ADGRB3: variants seen among roughly 807,000 people sequenced by gnomAD.
ADGRB3 encodes brain-specific angiogenesis inhibitor 3.
In ADGRB3, 37 loss-of-function variants were observed where a neutral mutation model predicts 193.4. That is an observed-to-expected ratio of 0.19 (90% CI 0.15 to 0.25). The LOEUF is 0.25. ADGRB3 is among the 10% of genes least tolerant of loss of function. The probability of loss-of-function intolerance (pLI) is 1.00; values close to 1 mark genes in which losing one functional copy is unlikely to be tolerated. For synonymous variants in ADGRB3, 690 were observed against 644.2 expected (o/e 1.07, Z -1.08); for missense variants, 1,637 against 1,852.9 (o/e 0.88, Z 2.14).
intron 3 of ADGRB3, among the ~76,000 whole-genome samples, chr6:68,847,175 C>T (rs769156913): frequency 9.2e-5 from 14 of 152,052 alleles, no homozygotes; most frequent in Non-Finnish European, 1.9e-4. Flanking sequence ...TACCCAATAC[C>T]CATACCCCTA....
At chr6:68,835,153 T>A (rs183760645) in intron 3 of ADGRB3, among the ~76,000 whole-genome samples, 32 of 152,244 alleles carry the variant, frequency 2.1e-4, no homozygotes, top group African/African-American at 7.5e-4. Flanking sequence ...TCAAGATATG[T>A]TTGGGTGTTA....
chr6:68,946,115 G>T (rs1767769632), intron 6 of ADGRB3, among the ~76,000 whole-genome samples: 1 of 152,046 alleles, frequency 6.6e-6, no homozygotes, highest in Non-Finnish European at 1.5e-5. Flanking sequence ...GAATTTAGTT[G>T]CATCATAAAA....
At chr6:68,743,845 C>G (rs181220338) in intron 3 of ADGRB3, among the ~76,000 whole-genome samples, 18 of 152,016 alleles carry the variant, frequency 1.2e-4, no homozygotes, top group Admixed American at 1.1e-3. Flanking sequence ...AATTAAATAA[C>G]AGAAATTAAG....
intron 13 of ADGRB3, among the ~76,000 whole-genome samples, chr6:69,030,087 T>C (rs570718556): frequency 6.6e-6 from 1 of 151,854 alleles, no homozygotes; most frequent in South Asian, 2.1e-4. Flanking sequence ...CCAGTTAGAA[T>C]GGCAATCATT....
intron 16 of ADGRB3, among the ~76,000 whole-genome samples, chr6:69,073,285 A>G (rs1008602790): frequency 3.9e-5 from 6 of 152,098 alleles, no homozygotes; most frequent in Non-Finnish European, 2.9e-5. Context: ...AGCTGCAGGG[A>G]GGTAAGAAGT....
At chr6:68,806,296 C>G (rs554193811) in intron 3 of ADGRB3, among the ~76,000 whole-genome samples, 6 of 152,240 alleles carry the variant, frequency 3.9e-5, no homozygotes, top group Non-Finnish European at 7.4e-5. Context: ...AAGCTGAAAT[C>G]TTAACATATC....
In ADGRB3 at chr6:68,721,655, T is replaced by C. The variant is rs867590035; in HGVS notation, c.757+82223T>C. 2.8e-5 allele frequency among the ~76,000 whole-genome samples: 4 copies of C among 141,350 alleles called. No homozygotes were observed. The Admixed American group carries it at 2.9e-4, about 10-fold the overall frequency. 92.7% of individuals were successfully genotyped at this position (141,350 alleles called of 152,430 possible). ...ATATATATATATATATATATATATA[T>C]AAATTATCATCTCAACTTCAATAAG... On this transcript the variant is annotated intron_variant, in intron 3 of 31. Transcript: ENST00000370598.
chr6:69,064,243 A>G (rs1271927687), intron 16 of ADGRB3, among the ~76,000 whole-genome samples: 1 of 152,052 alleles, frequency 6.6e-6, no homozygotes, highest in East Asian at 1.9e-4. Flanking sequence ...TCTCTGCAAT[A>G]ACTTTCAAAG....
At chr6:68,907,963 T>C (rs1766594935) in intron 3 of ADGRB3, among the ~76,000 whole-genome samples, 2 of 151,970 alleles carry the variant, frequency 1.3e-5, no homozygotes, top group African/African-American at 4.8e-5. Flanking sequence ...TGTATATAGT[T>C]CTTTAATATT....
rs1766162157 is a variant in ADGRB3 at position 69,232,359 on chromosome 6, G to T, written c.2481-931G>T. The T allele has an allele frequency of 1.8e-5, 25 of 1,364,420 alleles. No individual in the cohort carries two copies. In the South Asian group the frequency reaches 3.7e-4, roughly 20 times the overall value. The allele number at this position is 1,364,420 out of a possible 1,614,324, so 84.5% of individuals were successfully genotyped here. ...CCATCCCCCCCACCACGAACAAGAC[G>T]TAGGTTGATACCATTTTTATTGTTC... On this transcript the variant is annotated intron_variant, in intron 17 of 31. Transcript: ENST00000370598.
chr6:69,081,962 T>TCTCA (rs1372400571), intron 17 of ADGRB3, among the ~76,000 whole-genome samples: 1 of 152,120 alleles, frequency 6.6e-6, no homozygotes, highest in Non-Finnish European at 1.5e-5. Flanking sequence ...TCATTGTAAT[T>TCTCA]CTCACCTTGT....
chr6:69,078,614 T>G (rs1158311166), intron 17 of ADGRB3, among the ~76,000 whole-genome samples: 1 of 152,048 alleles, frequency 6.6e-6, no homozygotes, highest in Non-Finnish European at 1.5e-5. Flanking sequence ...TATTGATGAC[T>G]ATTGGCATGA....
chr6:68,893,747 C>A (rs189521792), intron 3 of ADGRB3, among the ~76,000 whole-genome samples: 2 of 151,934 alleles, frequency 1.3e-5, no homozygotes, highest in Non-Finnish European at 2.9e-5. Context: ...TTAAAAATTA[C>A]ATTCCATGTA....
chr6:69,236,586 G>C (rs1043272734), intron 19 of ADGRB3, among the ~76,000 whole-genome samples: 8 of 151,898 alleles, frequency 5.3e-5, no homozygotes, highest in African/African-American at 1.9e-4. Flanking sequence ...TAAAGACTAG[G>C]AATTTGGTAA....
intron 13 of ADGRB3, among the ~76,000 whole-genome samples, chr6:69,020,676 A>G (rs1356490229): frequency 6.6e-6 from 1 of 151,980 alleles, no homozygotes; most frequent in East Asian, 1.9e-4. Context: ...ACAATTATCC[A>G]TATTAAAAGT....
At chr6:69,331,426 TA>T in intron 23 of ADGRB3, 3 of 392,108 alleles carry the variant, frequency 7.7e-6, no homozygotes, top group Non-Finnish European at 1.0e-5. Context: ...TATACAATTA[TA>T]TTTCTAATTG....
chr6:69,035,023 AAT>A, intron 13 of ADGRB3, among the ~76,000 whole-genome samples: 1 of 152,208 alleles, frequency 6.6e-6, no homozygotes, highest in African/African-American at 2.4e-5. Flanking sequence ...GATGTTTTCA[AAT>A]ATAGAGTTGA....
In ADGRB3 at chr6:68,950,858, C is replaced by T. The variant is rs569823322; in HGVS notation, c.1196-5166C>T. Among the ~76,000 whole-genome samples the T allele has an allele frequency of 1.8e-4, 28 of 151,828 alleles. No individual in the cohort carries two copies. The South Asian group carries it at 5.2e-3, about 28-fold the overall frequency. ...TACGCATTCTTGCCCCTGTACCATC[C>T]GTTCTACACAAAACCACAATATTAG... On this transcript the variant is annotated intron_variant, in intron 6 of 31. Transcript: ENST00000370598.
intron 3 of ADGRB3, among the ~76,000 whole-genome samples, chr6:68,713,373 G>A (rs1765436523): frequency 1.3e-5 from 2 of 151,606 alleles, no homozygotes; most frequent in Non-Finnish European, 3.0e-5. Context: ...TGATTTCCTG[G>A]AGTTGATGCT....
Sources: allele counts gnomAD v4.1 joint callset (sites outside exome capture counted in the v4.1 genomes callset), GRCh38; gene constraint gnomAD v4.1.1; transcripts MANE v1.5; gene names NCBI Gene and HGNC (gene_info 2026-07-23, HGNC 2026-07-21).